ELAPOR2: variants seen among roughly 807,000 people sequenced by gnomAD.
The protein encoded by ELAPOR2 is endosome/lysosome-associated apoptosis and autophagy regulator family member 2.
Under a neutral mutation model 120.7 loss-of-function variants are expected in ELAPOR2, and 89 were observed. That is an observed-to-expected ratio of 0.74 (90% CI 0.62 to 0.88). ELAPOR2 has a LOEUF of 0.88. ELAPOR2 is among the 40% of genes least tolerant of loss of function. The pLI is 0.00. For missense variants in ELAPOR2, 1,134 were observed against 1,251.6 expected (o/e 0.91, Z 1.42); for synonymous variants, 444 against 444.9 (o/e 1.00, Z 0.03).
intron 6 of ELAPOR2, among the ~76,000 whole-genome samples, 161 bp from the exon 7 acceptor site, chr7:86,939,121 G>A (rs1422132261): frequency 6.6e-6 from 1 of 152,052 alleles, no homozygotes; most frequent in African/African-American, 2.4e-5. Context: ...AGCATTTATT[G>A]TGTACAAGGA....
intron 1 of ELAPOR2, among the ~76,000 whole-genome samples, chr7:87,047,885 A>G (rs1472013542): frequency 6.6e-6 from 1 of 152,230 alleles, no homozygotes; most frequent in African/African-American, 2.4e-5. Flanking sequence ...CGTTTGTTGC[A>G]CAACTGTTCA....
chr7:86,927,451 G>A (rs1335611711), intron 8 of ELAPOR2, among the ~76,000 whole-genome samples: 1 of 151,902 alleles, frequency 6.6e-6, no homozygotes, highest in African/African-American at 2.4e-5. Flanking sequence ...ATAACCTGAT[G>A]TTAGACTACA....
At chr7:86,904,832 C>T (rs1170905208) in intron 18 of ELAPOR2, among the ~76,000 whole-genome samples, 1 of 152,134 alleles carries the variant, frequency 6.6e-6, no homozygotes, top group Non-Finnish European at 1.5e-5. Context: ...ATTGCTACTG[C>T]TAAAGTAAAC....
chr7:86,964,984 C>T lies in ELAPOR2; in HGVS notation c.230G>A (p.Gly77Asp). ...TGGAATGGCAACTCTCCACCTGGAG[C>T]CACTGCTATCACATTCCGTATATTC... ...HFEYTECDSS[G>D]SRWRVAIPNS... The change falls in exon 2 of 22, where the codon GGC (glycine) becomes GAC (aspartate). Residue 77 changes from glycine (G) to aspartate (D), a missense_variant. Gly to Asp is a moderately conservative substitution (Grantham distance 94). Around this residue, in one of 3 missense-constraint regions of ELAPOR2, gnomAD observed 280 missense variants for 331.5 expected, o/e 0.84. Transcript: ENST00000450689. 1 of 1,551,590 alleles carries T rather than the reference C, an allele frequency of 6.4e-7. No individual in the cohort carries two copies. Among genetic ancestry groups the T allele is most frequent in the Non-Finnish European group, 8.7e-7 (1 of 1,146,862 alleles).
At chr7:86,893,312 G>T (rs1488871670) in intron 19 of ELAPOR2, among the ~76,000 whole-genome samples, 2 of 151,904 alleles carry the variant, frequency 1.3e-5, no homozygotes, top group Non-Finnish European at 2.9e-5. Flanking sequence ...AATGAATAAG[G>T]AATTAATGAA....
chr7:86,915,850 A>T (rs998009806), intron 12 of ELAPOR2, among the ~76,000 whole-genome samples: 1 of 151,986 alleles, frequency 6.6e-6, no homozygotes, highest in Non-Finnish European at 1.5e-5. Flanking sequence ...AATGCTCATC[A>T]TACATTATAG....
At chr7:87,000,894 T>C (rs905625217) in intron 1 of ELAPOR2, among the ~76,000 whole-genome samples, 2 of 148,702 alleles carry the variant, frequency 1.3e-5, no homozygotes, top group African/African-American at 5.1e-5. Flanking sequence ...CAGTTCTGTC[T>C]CTGACTAGAT....
At chr7:87,008,044 T>A (rs1231388469) in intron 1 of ELAPOR2, among the ~76,000 whole-genome samples, 2 of 152,212 alleles carry the variant, frequency 1.3e-5, no homozygotes, top group East Asian at 3.8e-4. Context: ...CACAAATTGC[T>A]AATTATTACA....
intron 9 of ELAPOR2, among the ~76,000 whole-genome samples, 181 bp from the exon 10 acceptor site, chr7:86,925,837 AT>A (rs1790041017): frequency 6.6e-6 from 1 of 152,084 alleles, no homozygotes; most frequent in South Asian, 2.1e-4. Context: ...AAAGAACAAA[AT>A]TCTAGATATA....
chr7:87,012,009 A>G (rs1793698302), intron 1 of ELAPOR2, among the ~76,000 whole-genome samples: 1 of 152,254 alleles, frequency 6.6e-6, no homozygotes, highest in African/African-American at 2.4e-5. Flanking sequence ...CAGTAACAAT[A>G]TAAAAATATT....
chr7:87,045,369 C>T (rs1367350676), intron 1 of ELAPOR2, among the ~76,000 whole-genome samples: 2 of 149,972 alleles, frequency 1.3e-5, no homozygotes, highest in Non-Finnish European at 1.5e-5. Flanking sequence ...AAATGCCCAA[C>T]AATGATAGAC....
intron 1 of ELAPOR2, among the ~76,000 whole-genome samples, chr7:87,006,716 T>C (rs951392525): frequency 3.3e-5 from 5 of 152,226 alleles, no homozygotes; most frequent in Non-Finnish European, 5.9e-5. Context: ...CCAAAAGATA[T>C]AAAACCATAA....
At chr7:87,040,737 C>G (rs1332885569) in intron 1 of ELAPOR2, among the ~76,000 whole-genome samples, 1 of 152,234 alleles carries the variant, frequency 6.6e-6, no homozygotes, top group African/African-American at 2.4e-5. Context: ...CAGTTCCTCA[C>G]CAGCAACGGA....
intron 1 of ELAPOR2, among the ~76,000 whole-genome samples, chr7:87,018,473 T>C (rs1389338207): frequency 6.6e-6 from 1 of 152,194 alleles, no homozygotes; most frequent in Non-Finnish European, 1.5e-5. Flanking sequence ...GGCAAATGAT[T>C]TGGATTGTCT....
intron 1 of ELAPOR2, among the ~76,000 whole-genome samples, chr7:87,050,633 A>G (rs1318515848): frequency 6.6e-6 from 1 of 152,204 alleles, no homozygotes; most frequent in Non-Finnish European, 1.5e-5. Context: ...GAACGGCCTA[A>G]TACAGTCTTG....
intron 1 of ELAPOR2, among the ~76,000 whole-genome samples, chr7:87,029,826 C>T (rs1283824681): frequency 6.6e-6 from 1 of 151,946 alleles, no homozygotes; most frequent in Non-Finnish European, 1.5e-5. Context: ...TCGAGATTTA[C>T]AAAGAGGTCA....
chr7:86,988,567 C>T (rs1792837026), intron 1 of ELAPOR2, among the ~76,000 whole-genome samples: 2 of 152,234 alleles, frequency 1.3e-5, no homozygotes, highest in African/African-American at 2.4e-5. Context: ...TTGGTATCTA[C>T]TAGGGGTTCC....
Position 86,880,212 on chromosome 7 carries a change from T to C in ELAPOR2, c.*259A>G. 1 of 513,662 alleles carries C rather than the reference T, an allele frequency of 1.9e-6. No homozygotes were observed. The highest frequency in any genetic ancestry group is 3.5e-6 in the Non-Finnish European group (1 of 289,198). 31.8% of individuals were successfully genotyped at this position (513,662 alleles called of 1,614,324 possible). On this transcript the variant is annotated 3_prime_UTR_variant, in exon 22 of 22. Transcript: ENST00000450689. ...CTTAAACTTGGTTTTCAGTTATGTG[T>C]ATATACAGATAAATCTCTTCCTGAG...
At chr7:87,047,982 A>G (rs1350096004) in intron 1 of ELAPOR2, among the ~76,000 whole-genome samples, 5 of 152,172 alleles carry the variant, frequency 3.3e-5, no homozygotes, top group Non-Finnish European at 7.4e-5. Flanking sequence ...GCGGTGGCTC[A>G]TGCCTGTAAT....
Sources: gnomAD v4.1 joint callset for allele counts (sites outside exome capture counted in the v4.1 genomes callset) on GRCh38, gnomAD v4.1.1 for gene constraint, gnomAD v4.1.1 regional missense constraint, MANE v1.5 for transcripts, NCBI Gene and HGNC (gene_info 2026-07-23, HGNC 2026-07-21) for gene names.